The following MPP7 variants were observed in gnomAD, a reference collection of about 807,000 sequenced individuals.
MPP7 encodes MAGUK p55 subfamily member 7.
A neutral mutation model predicts 76.5 loss-of-function variants in MPP7; 60 were observed. That is an observed-to-expected ratio of 0.78 (90% CI 0.64 to 0.97). MPP7 has a LOEUF of 0.97. MPP7 is among the 50% of genes least tolerant of loss of function. MPP7 has a pLI of 0.00. For synonymous variants in MPP7, 237 were observed against 244.5 expected (o/e 0.97, Z 0.29); for missense variants, 641 against 694.0 (o/e 0.92, Z 0.86).
At chr10:28,254,646 C>A (rs1326642028) in intron 1 of MPP7, 2 of 152,056 alleles carry the variant, frequency 1.3e-5, no homozygotes, top group Admixed American at 6.6e-5. Flanking sequence ...ATGCAGATAA[C>A]CACAATATAG....
intron 2 of MPP7, among the ~76,000 whole-genome samples, chr10:28,212,731 A>G (rs976045861): frequency 2.0e-5 from 3 of 152,192 alleles, no homozygotes; most frequent in Non-Finnish European, 4.4e-5. Flanking sequence ...CGTCCTAGAA[A>G]GAGAGTGTCA....
At chr10:28,289,430 C>A (rs1342318662) in intron 1 of MPP7, 1 of 152,220 alleles carries the variant, frequency 6.6e-6, no homozygotes, top group Non-Finnish European at 1.5e-5. Flanking sequence ...GCCATCCCAA[C>A]CAACAGAAAT....
intron 2 of MPP7, among the ~76,000 whole-genome samples, chr10:28,323,980 A>G (rs1454295955): frequency 2.0e-5 from 3 of 152,190 alleles, no homozygotes; most frequent in Non-Finnish European, 4.4e-5. Context: ...CTGCCTTCAT[A>G]ACCATATATC....
At chr10:28,218,308 G>C (rs1466857424) in intron 2 of MPP7, among the ~76,000 whole-genome samples, 1 of 152,156 alleles carries the variant, frequency 6.6e-6, no homozygotes, top group Non-Finnish European at 1.5e-5. Context: ...TTTAGTCGTA[G>C]AGGAATTAAT....
At chr10:28,175,263 C>A (rs1425358588) in intron 3 of MPP7, among the ~76,000 whole-genome samples, 1 of 150,846 alleles carries the variant, frequency 6.6e-6, no homozygotes, top group South Asian at 2.1e-4. Context: ...GCACTCCAGC[C>A]TGGGTAACAG....
intron 6 of MPP7, among the ~76,000 whole-genome samples, chr10:28,126,764 G>T (rs538980450): frequency 5.6e-4 from 85 of 152,270 alleles, no homozygotes; most frequent in African/African-American, 2.0e-3. Flanking sequence ...GGCTTCAAAG[G>T]CTATAAGAAG....
At chr10:28,307,066 T>G (rs1351771479), upstream of MPP7, among the ~76,000 whole-genome samples, 1 of 152,172 alleles carries the variant, frequency 6.6e-6, no homozygotes, top group Non-Finnish European at 1.5e-5. Flanking sequence ...GGCCCATCCC[T>G]GTTTATGAGC....
intron 1 of MPP7, among the ~76,000 whole-genome samples, chr10:28,260,648 T>C (rs1245276129): frequency 6.6e-6 from 1 of 151,720 alleles, no homozygotes; most frequent in African/African-American, 2.4e-5. Flanking sequence ...GGCACATGCC[T>C]GTAGTGCCAC....
At chr10:28,211,569 T>C (rs1285652654) in intron 2 of MPP7, among the ~76,000 whole-genome samples, 1 of 152,022 alleles carries the variant, frequency 6.6e-6, no homozygotes, top group Non-Finnish European at 1.5e-5. Flanking sequence ...GACCAAGGAT[T>C]GGGGAAGATA....
intron 1 of MPP7, among the ~76,000 whole-genome samples, chr10:28,294,647 C>T (rs1053524200): frequency 6.6e-6 from 1 of 152,086 alleles, no homozygotes; most frequent in East Asian, 1.9e-4. Flanking sequence ...CAGCACAGTG[C>T]CAGGAAATGA....
Position 28,118,083 on chromosome 10 carries a change from A to C in MPP7, c.952+1568T>G. 3.1e-6 allele frequency: 3 copies of C among 957,934 alleles called. No homozygotes were observed. The South Asian group carries it at 1.5e-4, about 47-fold the overall frequency. The allele number at this position is 957,934 out of a possible 1,614,324, so 59.3% of individuals were successfully genotyped here. A position where few individuals can be genotyped will look rare whatever the true frequency, so the allele number is the denominator to read the frequency against. On this transcript the variant is annotated intron_variant, in intron 11 of 16. Transcript: ENST00000683449. The stretch of plus-strand genomic sequence containing the variant: ...ATAAATGCTAGAATAAATATTTATC[A>C]GATCCAAATATTGAAGTATTAACAT...
At chr10:28,070,100 T>C (rs987669096) in intron 12 of MPP7, among the ~76,000 whole-genome samples, 2 of 152,196 alleles carry the variant, frequency 1.3e-5, no homozygotes, top group Non-Finnish European at 2.9e-5. Context: ...AAATGAGATA[T>C]GTTCTAGAGT....
At chr10:28,270,506 C>G (rs61845920) in intron 1 of MPP7, among the ~76,000 whole-genome samples, 1,337 of 117,584 alleles carry the variant, frequency 0.011, 17 homozygotes, top group Non-Finnish European at 0.017. Flanking sequence ...GGCAACATAA[C>G]AAGACTATCT....
At chr10:28,096,910 T>C (rs1853596270) in intron 11 of MPP7, among the ~76,000 whole-genome samples, 1 of 152,200 alleles carries the variant, frequency 6.6e-6, no homozygotes, top group Non-Finnish European at 1.5e-5. Context: ...ATACATTGTA[T>C]TGAAATACCA....
intron 1 of MPP7, among the ~76,000 whole-genome samples, chr10:28,287,097 T>C (rs1589029964): frequency 6.6e-6 from 1 of 152,126 alleles, no homozygotes; most frequent in South Asian, 2.1e-4. Context: ...GTATTTAAAG[T>C]TGGGTATTTG....
At chr10:28,250,840 T>C (rs551851084) in intron 1 of MPP7, among the ~76,000 whole-genome samples, 3 of 152,298 alleles carry the variant, frequency 2.0e-5, no homozygotes, top group African/African-American at 7.2e-5. Context: ...CACTGCCTAA[T>C]GAGGAGCCTG....
intron 1 of MPP7, among the ~76,000 whole-genome samples, chr10:28,241,697 T>C (rs1168621750): frequency 6.6e-6 from 1 of 152,214 alleles, no homozygotes; most frequent in Non-Finnish European, 1.5e-5. Context: ...TCAATCCATC[T>C]TTCCATAAAA....
intron 11 of MPP7, among the ~76,000 whole-genome samples, chr10:28,095,194 C>CATATATATATATATATATAT (rs10528025): frequency 8.6e-4 from 112 of 130,740 alleles, no homozygotes; most frequent in East Asian, 6.6e-3. Context: ...CACACATATG[C>CATATATATATATATATATAT]ATATATATAT....
intron 5 of MPP7, among the ~76,000 whole-genome samples, chr10:28,143,583 T>G (rs1564655577): frequency 1.3e-4 from 20 of 151,150 alleles, no homozygotes; most frequent in South Asian, 4.2e-4. Flanking sequence ...ATTCCTATCT[T>G]TGTGGATCAA....
Sources: allele counts gnomAD v4.1 joint callset (sites outside exome capture counted in the v4.1 genomes callset), GRCh38; gene constraint gnomAD v4.1.1; transcripts MANE v1.5; gene names NCBI Gene and HGNC (gene_info 2026-07-23, HGNC 2026-07-21).